PLCG1: variants seen among roughly 807,000 people sequenced by gnomAD.
PLCG1 encodes phospholipase C gamma 1.
In PLCG1, 71 loss-of-function variants were observed where a neutral mutation model predicts 177.8. That is an observed-to-expected ratio of 0.40 (90% CI 0.33 to 0.49). The LOEUF (loss-of-function observed/expected upper bound fraction) is 0.49. PLCG1 is among the 20% of genes least tolerant of loss of function. The probability of loss-of-function intolerance (pLI) is 0.72; values close to 1 mark genes in which losing one functional copy is unlikely to be tolerated. For synonymous variants in PLCG1, 658 were observed against 647.9 expected, an observed-to-expected ratio of 1.02 and a Z score of -0.24; for missense variants, 1,281 against 1,709.0, an observed-to-expected ratio of 0.75 and a Z score of 4.42.
chr20:41,166,948 C>A lies in PLCG1; in HGVS notation c.2301+89C>A, dbSNP rs970620488. 2 of 1,286,086 alleles carry A rather than the reference C, an allele frequency of 1.6e-6. No homozygotes were observed. Among genetic ancestry groups the A allele is most frequent in the Non-Finnish European group, 1.1e-6 (1 of 897,608 alleles). The allele number at this position is 1,286,086 out of a possible 1,614,324, so 79.7% of individuals were successfully genotyped here. On this transcript the variant is annotated intron_variant, in intron 19 of 31. Transcript: ENST00000685551. This position sits in a 1 kb window ranked among gnomAD's most constrained non-coding sequence, Gnocchi z 8.6. The stretch of plus-strand genomic sequence containing the variant: ...TCTCTGGATGTGTGTAACAGCAAGA[C>A]CTGGTGTGTTGTAGAAGTTCGTGGG...
At chr20:41,149,764 G>A (rs2035107915) in intron 1 of PLCG1, among the ~76,000 whole-genome samples, 1 of 152,196 alleles carries the variant, frequency 6.6e-6, no homozygotes, top group African/African-American at 2.4e-5. Flanking sequence ...CTAAATGCAG[G>A]TAGGCCTGTA....
At position 41,165,550 on chromosome 20, in the gene PLCG1, A is replaced by C. The variant is rs369785655; in HGVS notation, c.1610A>C (p.Glu537Ala). The C allele has an allele frequency of 6.2e-7, 1 of 1,613,534 alleles. No homozygotes were observed. Among genetic ancestry groups the C allele is most frequent in the South Asian group, 1.1e-5 (1 of 91,070 alleles). Reference sequence around the variant, plus strand: ...AACGAGGATGAGGAGGAGCCCAAGGAGGTGAGGAACCAGCTCAGGTCTGGG... The same window carrying C: ...AACGAGGATGAGGAGGAGCCCAAGGCGGTGAGGAACCAGCTCAGGTCTGGG... ...QGNEDEEEPK[E>A]VSSSTELHSN... Residue 537 changes from glutamate (E) to alanine (A), a missense_variant and splice_region_variant, in exon 15 of 32, where the codon GAG becomes GCG. By Grantham distance (107) the Glu-to-Ala change is moderately radical. This residue lies in a region of PLCG1 where 723 missense variants were observed against 1,030.0 expected (regional missense o/e 0.70). Coordinates refer to ENST00000685551, the MANE Select transcript of PLCG1 (RefSeq NM_002660.3). The surrounding 1 kb of genome is among the most constrained non-coding windows in gnomAD (Gnocchi z 6.6).
chr20:41,174,456 C>T lies in PLCG1; in HGVS notation c.3834-11C>T, dbSNP rs188798715. The T allele has an allele frequency of 7.5e-6, 12 of 1,591,332 alleles. No individual in the cohort carries two copies. The East Asian group carries it at 2.0e-4, about 27-fold the overall frequency. The stretch of plus-strand genomic sequence containing the variant: ...TGCCTGCCAGTAAGGACACTCTTCC[C>T]TTCTGTCCAGGGCCCCAAGAAGGAC... On this transcript the variant is annotated splice_polypyrimidine_tract_variant and intron_variant, in intron 31 of 31. Transcript: ENST00000685551. The surrounding 1 kb of genome is among the most constrained non-coding windows in gnomAD (Gnocchi z 5.8).
Position 41,137,684 on chromosome 20 carries a change from G to T in PLCG1, c.43G>T (p.Gly15Cys). 2 of 1,319,658 alleles carry T rather than the reference G, an allele frequency of 1.5e-6. No homozygotes were observed. The highest frequency in any genetic ancestry group is 9.7e-7 in the Non-Finnish European group (1 of 1,033,928). The allele number at this position is 1,319,658 out of a possible 1,614,324, so 81.7% of individuals were successfully genotyped here. A position where few individuals can be genotyped will look rare whatever the true frequency, so the allele number is the denominator to read the frequency against. Reference protein sequence around the residue: ...ASPCANGCGPGAPSDAEVLHL... With the variant: ...ASPCANGCGPCAPSDAEVLHL... ...CCCTTGCGCCAACGGCTGCGGGCCC[G>T]GCGCGCCCTCGGACGCCGAGGTGCT... The change falls in exon 1 of 32, where the codon GGC becomes TGC. Residue 15 changes from glycine (G) to cysteine (C), a missense_variant. By Grantham distance (159) the Gly-to-Cys change is radical. Around this residue, in one of 4 missense-constraint regions of PLCG1, gnomAD observed 374 missense variants for 443.8 expected, o/e 0.84. Transcript: ENST00000685551. This position sits in a 1 kb window ranked among gnomAD's most constrained non-coding sequence, Gnocchi z 7.3.
chr20:41,153,623 A>G lies in PLCG1; in HGVS notation c.218-5983A>G, dbSNP rs138912105. On this transcript the variant is annotated intron_variant, in intron 1 of 31. Transcript: ENST00000685551. The surrounding 1 kb of genome is among the most constrained non-coding windows in gnomAD (Gnocchi z 5.1). The stretch of plus-strand genomic sequence containing the variant: ...TGAAGAGAAATATTTCAGACAGGGC[A>G]TGGTTGCTCATGCTTCTAATCCCAG... Among the ~76,000 whole-genome samples, 14 of 152,298 alleles carry G rather than the reference A, an allele frequency of 9.2e-5. No homozygotes were observed. The East Asian group carries it at 2.7e-3, about 29-fold the overall frequency.
intron 1 of PLCG1, among the ~76,000 whole-genome samples, chr20:41,138,872 A>T (rs920137942): frequency 6.6e-6 from 1 of 152,046 alleles, no homozygotes; most frequent in African/African-American, 2.4e-5. Context: ...CTGTGGTCGG[A>T]TGGGCACTCT....
intron 1 of PLCG1, among the ~76,000 whole-genome samples, chr20:41,158,103 G>A (rs756757013): frequency 6.6e-6 from 1 of 152,110 alleles, no homozygotes; most frequent in Non-Finnish European, 1.5e-5. Context: ...GAAATGTGTC[G>A]GGGAGCTAGG....
intron 1 of PLCG1, among the ~76,000 whole-genome samples, chr20:41,154,015 G>T (rs1658242101): frequency 6.6e-6 from 1 of 152,138 alleles, no homozygotes; most frequent in African/African-American, 2.4e-5. Context: ...ATGTCCTCCT[G>T]TCCCTTTCTG....
rs2035683242 is a variant in PLCG1 at position 41,166,130 on chromosome 20, G to A, written c.1800-64G>A. 1 of 1,431,504 alleles carries A rather than the reference G, an allele frequency of 7.0e-7. No homozygotes were observed. Among genetic ancestry groups the A allele is most frequent in the Non-Finnish European group, 9.7e-7 (1 of 1,028,044 alleles). The allele number at this position is 1,431,504 out of a possible 1,614,324, so 88.7% of individuals were successfully genotyped here. ...CTTGAGTTCCACCCTCATTTGGGGT[G>A]GAACTTGGTCTTTGGGGCCCTGGCC... On this transcript the variant is annotated intron_variant, in intron 16 of 31. Coordinates refer to ENST00000685551, the MANE Select transcript of PLCG1 (RefSeq NM_002660.3). This position sits in a 1 kb window ranked among gnomAD's most constrained non-coding sequence, Gnocchi z 8.6.
At position 41,167,559 on chromosome 20, in the gene PLCG1, GA is replaced by G; in HGVS notation, c.2302-291del. 2.4e-6 allele frequency: 1 copy of G among 418,486 alleles called. No individual in the cohort carries two copies. Among genetic ancestry groups the G allele is most frequent in the South Asian group, 2.8e-5 (1 of 36,002 alleles). 25.9% of individuals were successfully genotyped at this position (418,486 alleles called of 1,614,324 possible). ...AAAGCACTGAATATGGGTAGTCTGT[GA>G]AGGGCCCACCTGCACATAGCTCAGA... On this transcript the variant is annotated intron_variant, in intron 19 of 31. Coordinates refer to ENST00000685551, the MANE Select transcript of PLCG1 (RefSeq NM_002660.3). The surrounding 1 kb of genome is among the most constrained non-coding windows in gnomAD (Gnocchi z 4.4).
At chr20:41,161,972 G>A (rs1270990747) in intron 4 of PLCG1, among the ~76,000 whole-genome samples, 2 of 152,078 alleles carry the variant, frequency 1.3e-5, no homozygotes, top group Non-Finnish European at 2.9e-5. Context: ...GGGTTAGTGG[G>A]TTCTGAGGAC....
Position 41,165,341 on chromosome 20 carries a change from C to T in PLCG1, c.1483C>T (p.Leu495Phe), listed in dbSNP as rs768669005. The T allele has an allele frequency of 3.1e-6, 5 of 1,614,066 alleles. No individual in the cohort carries two copies. The African/African-American group carries it at 6.7e-5, about 22-fold the overall frequency. Residue 495 changes from leucine to phenylalanine, a missense_variant, in exon 14 of 32, where the codon CTC becomes TTC. Physicochemically the swap from Leu to Phe is conservative, Grantham distance 22. Around this residue, in one of 4 missense-constraint regions of PLCG1, gnomAD observed 723 missense variants for 1,030.0 expected, o/e 0.70. Transcript: ENST00000685551. The surrounding 1 kb of genome is among the most constrained non-coding windows in gnomAD (Gnocchi z 6.6). Reference sequence around the variant, plus strand: ...CAGCAACTCTATCAAGAATGGCATCCTCTACCTGGAGGACCCTGTGAACCA... The same window carrying T: ...CAGCAACTCTATCAAGAATGGCATCTTCTACCTGGAGGACCCTGTGAACCA... ...DISNSIKNGI[L>F]YLEDPVNHEW...
Position 41,165,184 on chromosome 20 carries a change from TGGGTGAGGAGGTG to T in PLCG1, c.1387-51_1387-39del. On this transcript the variant is annotated intron_variant, in intron 13 of 31. Coordinates refer to ENST00000685551, the MANE Select transcript of PLCG1 (RefSeq NM_002660.3). The surrounding 1 kb of genome is among the most constrained non-coding windows in gnomAD (Gnocchi z 6.6). ...TGGCTTCAGCTGTTGGGCCTAAACCTGGGTGAGGAGGTGGGGTGAGGACTGGGGTCTGCATTGC... is the reference window on the plus strand; with the variant it reads ...TGGCTTCAGCTGTTGGGCCTAAACCTGGGTGAGGACTGGGGTCTGCATTGC... 6.2e-7 allele frequency: 1 copy of T among 1,606,998 alleles called. No homozygotes were observed. The highest frequency in any genetic ancestry group is 1.3e-5 in the African/African-American group (1 of 74,962).
intron 1 of PLCG1, among the ~76,000 whole-genome samples, chr20:41,141,119 A>G (rs2034811356): frequency 6.6e-6 from 1 of 152,172 alleles, no homozygotes; most frequent in African/African-American, 2.4e-5. Context: ...GAGATGGTTC[A>G]GACTCGTGTT....
chr20:41,159,721 T>C lies in PLCG1; in HGVS notation c.333T>C (p.Tyr111=), dbSNP rs1248439272. 1 of 1,614,052 alleles carries C rather than the reference T, an allele frequency of 6.2e-7. No individual in the cohort carries two copies. The highest frequency in any genetic ancestry group is 1.3e-5 in the African/African-American group (1 of 74,906). ...PDQSHCFVIL[Y]GMEFRLKTLS... is the part of the protein sequence containing the mutation. ...AGTCACATTGCTTTGTCATTCTCTA[T>C]GGAATGGAATTTCGCCTGAAAACGC... Residue 111 remains tyrosine, a synonymous_variant, in exon 2 of 32, where the codon TAT becomes TAC. Coordinates refer to ENST00000685551, the MANE Select transcript of PLCG1 (RefSeq NM_002660.3). The surrounding 1 kb of genome is among the most constrained non-coding windows in gnomAD (Gnocchi z 6.0).
intron 1 of PLCG1, among the ~76,000 whole-genome samples, chr20:41,138,404 A>G (rs556151978): frequency 3.3e-5 from 5 of 151,694 alleles, no homozygotes; most frequent in African/African-American, 1.2e-4. Context: ...GGGCCTACTC[A>G]TCTCCCTCTG....
intron 1 of PLCG1, among the ~76,000 whole-genome samples, chr20:41,139,033 G>A (rs1225511731): frequency 1.3e-5 from 2 of 152,322 alleles, no homozygotes; most frequent in East Asian, 3.9e-4. Flanking sequence ...AGATCAGGAA[G>A]TGACACCCCA....
rs551460280 is a variant in PLCG1 at position 41,172,363 on chromosome 20, T to TC, written c.2906-52dup. 4.4e-5 allele frequency: 70 copies of TC among 1,575,756 alleles called. No homozygotes were observed. The East Asian group carries it at 1.2e-3, about 27-fold the overall frequency. On this transcript the variant is annotated intron_variant, in intron 25 of 31. Coordinates refer to ENST00000685551, the MANE Select transcript of PLCG1 (RefSeq NM_002660.3). The surrounding 1 kb of genome is among the most constrained non-coding windows in gnomAD (Gnocchi z 7.0). ...TGGGTGCAAAAAGAGTATTTAGGTA[T>TC]CCCCCCAACACTTCCTGGGTGGGCG...
Position 41,167,691 on chromosome 20 carries a change from C to G in PLCG1, c.2302-161C>G. On this transcript the variant is annotated intron_variant, in intron 19 of 31. Coordinates refer to ENST00000685551, the MANE Select transcript of PLCG1 (RefSeq NM_002660.3). This position sits in a 1 kb window ranked among gnomAD's most constrained non-coding sequence, Gnocchi z 4.4. ...AGGAAAGGGAACAGTGAGGCCGGGC[C>G]TGAGGCCTCTGAAGCCGTCTCTACT... 1.6e-6 allele frequency: 1 copy of G among 620,520 alleles called. No individual in the cohort carries two copies. Among genetic ancestry groups the G allele is most frequent in the Non-Finnish European group, 2.9e-6 (1 of 344,898 alleles). The allele number at this position is 620,520 out of a possible 1,614,324, so 38.4% of individuals were successfully genotyped here.
Sources: allele counts gnomAD v4.1 joint callset (sites outside exome capture counted in the v4.1 genomes callset), GRCh38; gene constraint gnomAD v4.1.1; regional missense constraint gnomAD v4.1.1; non-coding constraint Gnocchi (gnomAD v3.1); transcripts MANE v1.5; gene names NCBI Gene and HGNC (gene_info 2026-07-23, HGNC 2026-07-21).